AHCYL2: variants seen among roughly 807,000 people sequenced by gnomAD.
The protein encoded by AHCYL2 is adenosylhomocysteinase like 2.
Under a neutral mutation model 81.4 loss-of-function variants are expected in AHCYL2, and 28 were observed. That is an observed-to-expected ratio of 0.34 (90% CI 0.25 to 0.47). AHCYL2 has a LOEUF of 0.47. Among genes scored for constraint, AHCYL2 ranks in the 20% least tolerant of loss-of-function variants. The pLI, the probability that AHCYL2 is intolerant of heterozygous loss-of-function variation, is 1.00. For synonymous variants in AHCYL2, 272 were observed against 290.2 expected, an observed-to-expected ratio of 0.94 and a Z score of 0.64; for missense variants, 551 against 785.1, an observed-to-expected ratio of 0.70 and a Z score of 3.56.
rs369010482 is a variant in AHCYL2 at position 129,252,042 on chromosome 7, T to C, written c.363+26603T>C. Among the ~76,000 whole-genome samples the C allele has an allele frequency of 3.7e-4, 56 of 152,342 alleles. No homozygotes were observed. The East Asian group carries it at 6.2e-3, about 17-fold the overall frequency. ...TGCACAATTTAATGCTGGCACATGA[T>C]AAGTTCATAATAAATGTTTCTGATT... On this transcript the variant is annotated intron_variant, in intron 1 of 16. Transcript: ENST00000325006.
rs1311224456 is a variant in AHCYL2 at position 129,227,766 on chromosome 7, T to C, written c.363+2327T>C. On this transcript the variant is annotated intron_variant, in intron 1 of 16. Coordinates refer to ENST00000325006, the MANE Select transcript of AHCYL2 (RefSeq NM_015328.4). ...AATGTATGTTCCATGATTGTAGATA[T>C]ACTCAGCAGCCTCAAGGCTATTGTA... is the stretch of plus-strand genomic sequence containing the variant. Among the ~76,000 whole-genome samples, 3 of 152,174 alleles carry C rather than the reference T, an allele frequency of 2.0e-5. No homozygotes were observed. In the East Asian group the frequency reaches 5.8e-4, roughly 29 times the overall value.
chr7:129,323,324 T>C (rs571844526), intron 1 of AHCYL2, among the ~76,000 whole-genome samples: 20 of 152,310 alleles, frequency 1.3e-4, no homozygotes, highest in Non-Finnish European at 2.5e-4. Context: ...TACTCCTGGG[T>C]AATATGGAAG....
At chr7:129,399,388 A>G (rs1396369888) in intron 5 of AHCYL2, among the ~76,000 whole-genome samples, 1 of 151,632 alleles carries the variant, frequency 6.6e-6, no homozygotes, top group Admixed American at 6.6e-5. Flanking sequence ...CAGAGGTTGC[A>G]GTGAGCCGAG....
At chr7:129,292,028 A>G (rs779752152) in intron 1 of AHCYL2, among the ~76,000 whole-genome samples, 1 of 152,168 alleles carries the variant, frequency 6.6e-6, no homozygotes, top group Non-Finnish European at 1.5e-5. Flanking sequence ...TAAGACAAAC[A>G]ATTATGAAGT....
At chr7:129,414,639 T>C (rs1294202495) in intron 12 of AHCYL2, among the ~76,000 whole-genome samples, 4 of 152,030 alleles carry the variant, frequency 2.6e-5, no homozygotes, top group African/African-American at 9.7e-5. Flanking sequence ...TAGGCTGGTC[T>C]CAAACTCCTG....
chr7:129,387,842 C>G (rs1461095661), intron 2 of AHCYL2, among the ~76,000 whole-genome samples: 1 of 152,242 alleles, frequency 6.6e-6, no homozygotes, highest in South Asian at 2.1e-4. Context: ...CCCCTGGTGC[C>G]CATGTTCATT....
chr7:129,402,234 A>C (rs980606285), intron 6 of AHCYL2, among the ~76,000 whole-genome samples: 19 of 152,166 alleles, frequency 1.2e-4, no homozygotes, highest in African/African-American at 3.9e-4. Context: ...TTCTACTTGT[A>C]GTATGGAGCA....
At chr7:129,299,540 C>T (rs1312708439) in intron 1 of AHCYL2, among the ~76,000 whole-genome samples, 3 of 151,654 alleles carry the variant, frequency 2.0e-5, no homozygotes, top group Non-Finnish European at 4.4e-5. Flanking sequence ...ACTACAGGCA[C>T]CCGCCACCAC....
rs542495378 is a variant in AHCYL2 at position 129,229,650 on chromosome 7, G to A, written c.363+4211G>A. On this transcript the variant is annotated intron_variant, in intron 1 of 16. Transcript: ENST00000325006. ...TAGAATACTAAGTGAACTCTAAGGC[G>A]TGTCTGTCTGGCTAAGGCTTAGGTC... Among the ~76,000 whole-genome samples, 63 of 152,302 alleles carry A rather than the reference G, an allele frequency of 4.1e-4. No homozygotes were observed. The Middle Eastern group carries it at 0.01, about 25-fold the overall frequency.
chr7:129,345,411 T>C (rs1793327617), intron 1 of AHCYL2, among the ~76,000 whole-genome samples: 1 of 152,208 alleles, frequency 6.6e-6, no homozygotes, highest in Non-Finnish European at 1.5e-5. Context: ...CTATCGATGC[T>C]CATTAGATGT....
intron 1 of AHCYL2, among the ~76,000 whole-genome samples, chr7:129,296,159 C>T (rs1797044428): frequency 6.6e-6 from 1 of 152,002 alleles, no homozygotes; most frequent in South Asian, 2.1e-4. Flanking sequence ...TAGGATTACC[C>T]CTATGATAGT....
Position 129,333,194 on chromosome 7 carries a change from G to T in AHCYL2, c.364-46444G>T, listed in dbSNP as rs371258284. On this transcript the variant is annotated intron_variant, in intron 1 of 16. Coordinates refer to ENST00000325006, the MANE Select transcript of AHCYL2 (RefSeq NM_015328.4). ...ATTAAAAAGTAGTTCCAGGGGCCAG[G>T]CACGGTGGCTCACGCCTGTAATCCC... Among the ~76,000 whole-genome samples, 20 of 151,600 alleles carry T rather than the reference G, an allele frequency of 1.3e-4. No individual in the cohort carries two copies. In the East Asian group the frequency reaches 1.6e-3, roughly 12 times the overall value.
intron 1 of AHCYL2, among the ~76,000 whole-genome samples, chr7:129,337,432 G>A (rs1213027293): frequency 1.3e-5 from 2 of 151,582 alleles, no homozygotes; most frequent in Non-Finnish European, 2.9e-5. Flanking sequence ...ATGGAGTCTC[G>A]CTCTTCTCCC....
chr7:129,345,279 A>T (rs191316593), intron 1 of AHCYL2, among the ~76,000 whole-genome samples: 1 of 152,300 alleles, frequency 6.6e-6, no homozygotes, highest in African/African-American at 2.4e-5. Context: ...TCTTTTTTAT[A>T]TATAAAGTAA....
chr7:129,339,840 T>G (rs917221015), intron 1 of AHCYL2, among the ~76,000 whole-genome samples: 1 of 151,944 alleles, frequency 6.6e-6, no homozygotes, highest in African/African-American at 2.4e-5. Flanking sequence ...ACTAATTGAT[T>G]TTCTTTTAGA....
chr7:129,375,539 T>G lies in AHCYL2; in HGVS notation c.364-4099T>G, dbSNP rs911087404. 58 of 997,298 alleles carry G rather than the reference T, an allele frequency of 5.8e-5. No homozygotes were observed. In the Middle Eastern group the frequency reaches 1.6e-3, roughly 28 times the overall value. 61.8% of individuals were successfully genotyped at this position (997,298 alleles called of 1,614,324 possible). The stretch of plus-strand genomic sequence containing the variant: ...TAAGCTATTGTTATGCGCATGCAAG[T>G]TGGGCCTTGTCAAGGGACTTGCAAG... On this transcript the variant is annotated intron_variant, in intron 1 of 16. Transcript: ENST00000325006.
At chr7:129,322,672 G>A (rs145583183) in intron 1 of AHCYL2, among the ~76,000 whole-genome samples, 1,597 of 152,162 alleles carry the variant, frequency 0.01, 13 homozygotes, top group Non-Finnish European at 0.015. Flanking sequence ...GCTCACTGCA[G>A]CCTCTGCCTC....
In AHCYL2 at chr7:129,273,075, T is replaced by C. The variant is rs528168556; in HGVS notation, c.363+47636T>C. Among the ~76,000 whole-genome samples, 5 of 152,054 alleles carry C rather than the reference T, an allele frequency of 3.3e-5. No individual in the cohort carries two copies. In the East Asian group the frequency reaches 9.7e-4, roughly 30 times the overall value. Reference sequence around the variant, plus strand: ...GCCATGATGCCCAGCTGTTTTTTTGTATTTTTGGTAGAGACAGGGTTTCAC... The same window carrying C: ...GCCATGATGCCCAGCTGTTTTTTTGCATTTTTGGTAGAGACAGGGTTTCAC... On this transcript the variant is annotated intron_variant, in intron 1 of 16. Coordinates refer to ENST00000325006, the MANE Select transcript of AHCYL2 (RefSeq NM_015328.4).
In AHCYL2 at chr7:129,424,945, A is replaced by G. The variant is rs757438378; in HGVS notation, c.1629+3A>G. The stretch of plus-strand genomic sequence containing the variant: ...TCTCAATCACTGCTACTACTCAGGT[A>G]AGGCTTCCAGAGTGGGATAGCAGTA... On this transcript the variant is annotated splice_donor_region_variant and intron_variant, in intron 14 of 16. Coordinates refer to ENST00000325006, the MANE Select transcript of AHCYL2 (RefSeq NM_015328.4). The G allele has an allele frequency of 1.9e-6, 3 of 1,613,902 alleles. No homozygotes were observed. Among genetic ancestry groups the G allele is most frequent in the Non-Finnish European group, 2.5e-6 (3 of 1,180,006 alleles).
Sources: gnomAD v4.1 joint callset for allele counts (sites outside exome capture counted in the v4.1 genomes callset) on GRCh38, gnomAD v4.1.1 for gene constraint, MANE v1.5 for transcripts, NCBI Gene and HGNC (gene_info 2026-07-23, HGNC 2026-07-21) for gene names.